CCDC171: variants seen among roughly 807,000 people sequenced by gnomAD.
The protein encoded by CCDC171 is coiled-coil domain-containing protein 171.
CCDC171 carries 177 observed loss-of-function variants against 168.2 expected under a neutral mutation model. That is an observed-to-expected ratio of 1.05 (90% CI 0.93 to 1.19). The LOEUF (loss-of-function observed/expected upper bound fraction) is 1.19, where lower values mean the gene tolerates loss of function less well. Among genes scored for constraint, CCDC171 ranks in the 50% most tolerant of loss-of-function variants. The probability of loss-of-function intolerance (pLI) is 0.00; values close to 1 mark genes in which losing one functional copy is unlikely to be tolerated. For synonymous variants in CCDC171, 687 were observed against 540.8 expected, an observed-to-expected ratio of 1.27 and a Z score of -3.75; for missense variants, 1,991 against 1,539.0, an observed-to-expected ratio of 1.29 and a Z score of -4.91.
At chr9:15,651,030 C>A (rs2047472614) in intron 7 of CCDC171, among the ~76,000 whole-genome samples, 1 of 152,258 alleles carries the variant, frequency 6.6e-6, no homozygotes, top group Non-Finnish European at 1.5e-5. Flanking sequence ...CCCTTTCCAG[C>A]CTCTGATAAC....
chr9:15,949,917 A>G (rs1828913111), intron 25 of CCDC171, among the ~76,000 whole-genome samples: 3 of 152,098 alleles, frequency 2.0e-5, no homozygotes, highest in Admixed American at 2.0e-4. Context: ...GTTTTTGCCC[A>G]TTCAGTATGA....
chr9:16,005,874 T>C (rs1407767731), intron 3 of CCDC171, among the ~76,000 whole-genome samples: 1 of 152,128 alleles, frequency 6.6e-6, no homozygotes, highest in East Asian at 1.9e-4. Context: ...GGTAACTTTA[T>C]GTTTAACCAT....
intron 23 of CCDC171, among the ~76,000 whole-genome samples, chr9:15,855,784 A>G (rs530430808): frequency 5.4e-4 from 82 of 151,948 alleles, no homozygotes; most frequent in African/African-American, 1.9e-3. Flanking sequence ...ATTAATGCCA[A>G]CGTAGTGCCA....
At chr9:15,599,794 G>C (rs147742306) in intron 6 of CCDC171, among the ~76,000 whole-genome samples, 2 of 152,150 alleles carry the variant, frequency 1.3e-5, no homozygotes, top group Non-Finnish European at 2.9e-5. Context: ...CCCATCAGAC[G>C]TAGATTTGGT....
At chr9:15,706,182 TG>T in intron 11 of CCDC171, among the ~76,000 whole-genome samples, 2 of 152,326 alleles carry the variant, frequency 1.3e-5, no homozygotes, top group East Asian at 3.9e-4. Context: ...AGGATGTGTG[TG>T]GGGAAATCTT....
chr9:16,077,973 T>C, the CCDC171 span, among the ~76,000 whole-genome samples: 30 of 152,100 alleles, frequency 2.0e-4, no homozygotes, highest in African/African-American at 6.8e-4. Flanking sequence ...ATATACATTG[T>C]GATGGTTATA....
chr9:15,791,630 A>G (rs1292880729), intron 21 of CCDC171, among the ~76,000 whole-genome samples: 2 of 152,116 alleles, frequency 1.3e-5, no homozygotes, highest in Admixed American at 6.5e-5. Context: ...TTCCAACACT[A>G]TGTTGAATGG....
At chr9:15,807,369 T>C (rs1301241327) in intron 21 of CCDC171, among the ~76,000 whole-genome samples, 2 of 152,230 alleles carry the variant, frequency 1.3e-5, no homozygotes, top group Non-Finnish European at 2.9e-5. Context: ...GGGCATTGTG[T>C]TGCTTCTTTT....
downstream of CCDC171, among the ~76,000 whole-genome samples, chr9:15,976,241 T>A (rs564344064): frequency 6.8e-4 from 103 of 152,330 alleles, no homozygotes; most frequent in African/African-American, 2.3e-3. Flanking sequence ...GTAATTTTTT[T>A]AAAAGATTAA....
chr9:15,688,519 C>T (rs2050568682), intron 10 of CCDC171, among the ~76,000 whole-genome samples: 1 of 152,114 alleles, frequency 6.6e-6, no homozygotes, highest in Non-Finnish European at 1.5e-5. Context: ...AGATATTACA[C>T]CATGATCAAG....
At chr9:15,586,311 A>G (rs2041553042) in intron 4 of CCDC171, among the ~76,000 whole-genome samples, 1 of 152,182 alleles carries the variant, frequency 6.6e-6, no homozygotes, top group African/African-American at 2.4e-5. Context: ...TGTGTTTTTA[A>G]AATTTTTATA....
intron 3 of CCDC171, among the ~76,000 whole-genome samples, chr9:15,981,899 T>C (rs543273475): frequency 1.9e-4 from 29 of 152,248 alleles, no homozygotes; most frequent in African/African-American, 6.3e-4. Flanking sequence ...TACTATAAAG[T>C]AGAATAATTT....
intron 1 of CCDC171, among the ~76,000 whole-genome samples, chr9:15,559,062 C>T (rs902403182): frequency 4.6e-5 from 7 of 152,090 alleles, no homozygotes; most frequent in African/African-American, 1.4e-4. Flanking sequence ...TTTCTTAATC[C>T]TGAGTTGTAG....
chr9:15,811,182 C>A (rs2059341562), intron 21 of CCDC171, among the ~76,000 whole-genome samples: 1 of 152,176 alleles, frequency 6.6e-6, no homozygotes, highest in Admixed American at 6.5e-5. Context: ...CTTTTGGAAC[C>A]AGAGGGCTTG....
chr9:15,704,695 A>G (rs1281750332), intron 11 of CCDC171, among the ~76,000 whole-genome samples: 2 of 152,218 alleles, frequency 1.3e-5, no homozygotes, highest in African/African-American at 4.8e-5. Flanking sequence ...AGTTTTCTAC[A>G]TTAAGAAACT....
intron 11 of CCDC171, among the ~76,000 whole-genome samples, chr9:15,712,310 C>T (rs1437001166): frequency 6.6e-6 from 1 of 152,202 alleles, no homozygotes; most frequent in Non-Finnish European, 1.5e-5. Context: ...ACCATCACAT[C>T]CCCTTTTCTC....
At chr9:15,712,097 A>G (rs906798) in intron 11 of CCDC171, among the ~76,000 whole-genome samples, 7,105 of 152,306 alleles carry the variant, frequency 0.047, 351 homozygotes, top group South Asian at 0.13. Context: ...TGCAGCCCAA[A>G]GACAGCAAGG....
At chr9:15,677,839 G>C in intron 9 of CCDC171, among the ~76,000 whole-genome samples, 1 of 96,952 alleles carries the variant, frequency 1.0e-5, no homozygotes, top group Admixed American at 1.2e-4. Flanking sequence ...ACAAATGGCT[G>C]TGTGTGTGTG....
intron 6 of CCDC171, among the ~76,000 whole-genome samples, chr9:15,611,286 A>G (rs1420172261): frequency 1.3e-5 from 2 of 152,274 alleles, no homozygotes; most frequent in African/African-American, 4.8e-5. Flanking sequence ...TTCTTTATAA[A>G]TTACCCATTC....
Sources: allele counts gnomAD v4.1 joint callset (sites outside exome capture counted in the v4.1 genomes callset), GRCh38; gene constraint gnomAD v4.1.1; transcripts MANE v1.5; gene names NCBI Gene and HGNC (gene_info 2026-07-23, HGNC 2026-07-21).